Variants in DNAAF4 observed in about 807,000 individuals in gnomAD.
The protein encoded by DNAAF4 is dynein axonemal assembly factor 4.
A neutral mutation model predicts 51.8 loss-of-function variants in DNAAF4; 43 were observed. That is an observed-to-expected ratio of 0.83 (90% CI 0.65 to 1.07). The LOEUF is 1.07. Ranked by LOEUF, DNAAF4 falls within the 50% of genes least tolerant of loss-of-function variation. DNAAF4 has a pLI of 0.00. For synonymous variants in DNAAF4, 194 were observed against 165.6 expected (o/e 1.17, Z -1.32); for missense variants, 581 against 493.0 (o/e 1.18, Z -1.69).
chr15:55,488,126 T>C (rs952718476), intron 4 of DNAAF4, among the ~76,000 whole-genome samples: 5 of 151,938 alleles, frequency 3.3e-5, no homozygotes, highest in Non-Finnish European at 5.9e-5. Context: ...TTTTCTTTTT[T>C]TTTTTTTGCT....
chr15:55,442,848 C>T (rs1241708677), intron 6 of DNAAF4: 4 of 1,612,688 alleles, frequency 2.5e-6, no homozygotes, highest in Admixed American at 3.3e-5. Flanking sequence ...CCCCAGCCAT[C>T]ATTGCACACA....
intron 6 of DNAAF4, among the ~76,000 whole-genome samples, chr15:55,444,301 A>C (rs1027581057): frequency 2.0e-5 from 3 of 152,178 alleles, no homozygotes; most frequent in Non-Finnish European, 4.4e-5. Flanking sequence ...TAAATAGGGA[A>C]TCCTTTCCCC....
intron 4 of DNAAF4, among the ~76,000 whole-genome samples, chr15:55,469,051 C>T (rs561401003): frequency 6.6e-6 from 1 of 151,882 alleles, no homozygotes; most frequent in Non-Finnish European, 1.5e-5. Context: ...TGTACAGTGA[C>T]CGGGCGCGGT....
At chr15:55,426,179 A>G (rs906241006), downstream of DNAAF4, among the ~76,000 whole-genome samples, 1 of 152,158 alleles carries the variant, frequency 6.6e-6, no homozygotes, top group African/African-American at 2.4e-5. Flanking sequence ...CAGTTTATTG[A>G]GCTAGGTGGT....
chr15:55,474,929 A>G (rs558975009), intron 4 of DNAAF4, among the ~76,000 whole-genome samples: 11 of 152,358 alleles, frequency 7.2e-5, no homozygotes, highest in Non-Finnish European at 1.3e-4. Context: ...CAGTGAGCCA[A>G]GATCGCGCCA....
At chr15:55,504,379 A>G (rs113680645) in intron 1 of DNAAF4, among the ~76,000 whole-genome samples, 4 of 152,230 alleles carry the variant, frequency 2.6e-5, no homozygotes, top group African/African-American at 9.6e-5. Context: ...GCTATCCCCA[A>G]CAAGCTACCA....
At chr15:55,445,781 G>GCA (rs2057792067) in intron 6 of DNAAF4, among the ~76,000 whole-genome samples, 1 of 147,550 alleles carries the variant, frequency 6.8e-6, no homozygotes, top group South Asian at 2.2e-4. Flanking sequence ...GGGTGGCCGG[G>GCA]CAGAGGCGCT....
At chr15:55,490,504 A>C (rs546436998) in intron 4 of DNAAF4, among the ~76,000 whole-genome samples, 1 of 152,350 alleles carries the variant, frequency 6.6e-6, no homozygotes, top group African/African-American at 2.4e-5. Context: ...TGTTTTAAAT[A>C]TGCTTCTGTT....
chr15:55,442,072 C>T (rs1380765174), intron 6 of DNAAF4, among the ~76,000 whole-genome samples: 3 of 152,146 alleles, frequency 2.0e-5, no homozygotes, highest in African/African-American at 7.2e-5. Flanking sequence ...TTTATTTCTC[C>T]AGTCCGCAGT....
At chr15:55,417,992 A>G in exon 8 of DNAAF4, 3 of 764,252 alleles carry the variant, frequency 3.9e-6, no homozygotes, top group Non-Finnish European at 6.3e-6. Context: ...CAGTTAAGGC[A>G]GGAACCGGCC....
At chr15:55,422,953 C>G (rs8025548) in intron 7 of DNAAF4, among the ~76,000 whole-genome samples, 88 of 152,010 alleles carry the variant, frequency 5.8e-4, no homozygotes, top group Non-Finnish European at 6.6e-4. Context: ...GCCAAGATCA[C>G]GACATTGCAC....
chr15:55,450,263 G>A lies in DNAAF4; in HGVS notation c.742C>T (p.Pro248Ser), dbSNP rs1413688580. 4 of 1,613,942 alleles carry A rather than the reference G, an allele frequency of 2.5e-6. No homozygotes were observed. Among genetic ancestry groups the A allele is most frequent in the Non-Finnish European group, 2.5e-6 (3 of 1,179,996 alleles). Residue 248 changes from proline (P) to serine (S), a missense_variant, in exon 6 of 10, where the codon CCA (proline) becomes TCA (serine). Transcript: ENST00000321149. The stretch of plus-strand genomic sequence containing the variant: ...ACTTGTGATTCACGAAGAGCTGTTG[G>A]GAATACTCGAGGGGTAAAGTTGATT... The part of the protein sequence containing the change: ...IKINFTPRVF[P>S]TALRESQVAE...
At chr15:55,460,421 C>T (rs2058079159) in intron 5 of DNAAF4, among the ~76,000 whole-genome samples, 1 of 152,068 alleles carries the variant, frequency 6.6e-6, no homozygotes, top group African/African-American at 2.4e-5. Flanking sequence ...CACCCGTGAT[C>T]CACCCGCCTC....
Position 55,439,489 on chromosome 15 carries a change from C to G in DNAAF4, c.876G>C (p.Trp292Cys). 1 of 1,613,866 alleles carries G rather than the reference C, an allele frequency of 6.2e-7. No individual in the cohort carries two copies. Among genetic ancestry groups the G allele is most frequent in the Non-Finnish European group, 8.5e-7 (1 of 1,179,808 alleles). The change falls in exon 7 of 10, where the codon TGG becomes TGC. Residue 292 changes from tryptophan to cysteine, a missense_variant. Coordinates refer to ENST00000321149, the MANE Select transcript of DNAAF4 (RefSeq NM_130810.4). Reference protein sequence around the residue: ...DLKEEEKNPEWLKDKGNKLFA... With the variant: ...DLKEEEKNPECLKDKGNKLFA... ...CAACTTACTTTCCTTTATCCTTCAA[C>G]CATTCTGGGTTCTTTTCTTCTTCTT...
At chr15:55,453,938 G>T (rs1413912969) in intron 5 of DNAAF4, among the ~76,000 whole-genome samples, 1 of 152,034 alleles carries the variant, frequency 6.6e-6, no homozygotes, top group African/African-American at 2.4e-5. Flanking sequence ...CATGGTTGAA[G>T]AAAATTTATA....
chr15:55,433,382 G>A (rs572770519), intron 8 of DNAAF4, among the ~76,000 whole-genome samples: 1 of 151,976 alleles, frequency 6.6e-6, no homozygotes, highest in Admixed American at 6.5e-5. Flanking sequence ...AGGCCCAGGC[G>A]GGCGGAGGCC....
intron 9 of DNAAF4, 124 bp downstream of exon 9, chr15:55,432,373 G>A (rs1480004220): frequency 1.9e-5 from 12 of 644,024 alleles, no homozygotes; most frequent in Non-Finnish European, 2.8e-5. Context: ...ACATTACTAA[G>A]AATAAATTAA....
At chr15:55,496,809 C>T (rs1041194372) in intron 3 of DNAAF4, among the ~76,000 whole-genome samples, 1 of 151,822 alleles carries the variant, frequency 6.6e-6, no homozygotes, top group Admixed American at 6.6e-5. Context: ...ATGCTGCTTT[C>T]ATATAGCGAT....
chr15:55,484,114 C>G (rs985366855), intron 4 of DNAAF4, among the ~76,000 whole-genome samples: 1 of 151,848 alleles, frequency 6.6e-6, no homozygotes, highest in Non-Finnish European at 1.5e-5. Context: ...ATGGGAGAAA[C>G]CGGAATCCTT....
Sources: gnomAD v4.1 joint callset for allele counts (sites outside exome capture counted in the v4.1 genomes callset) on GRCh38, gnomAD v4.1.1 for gene constraint, MANE v1.5 for transcripts, NCBI Gene and HGNC (gene_info 2026-07-23, HGNC 2026-07-21) for gene names.